Variants in LRRC4C observed in about 807,000 individuals in gnomAD.
LRRC4C encodes leucine rich repeat containing 4C.
In LRRC4C, 5 loss-of-function variants were observed where a neutral mutation model predicts 33.6. The observed-to-expected ratio is 0.15, with a 90% confidence interval of 0.08 to 0.31. The LOEUF is 0.31. Among genes scored for constraint, LRRC4C ranks in the 10% least tolerant of loss-of-function variants. LRRC4C has a pLI of 1.00. For synonymous variants in LRRC4C, 329 were observed against 302.0 expected (o/e 1.09, Z -0.93); for missense variants, 560 against 796.7 (o/e 0.70, Z 3.58).
intron 3 of LRRC4C, among the ~76,000 whole-genome samples, chr11:40,367,512 C>T (rs1948262896): frequency 6.6e-6 from 1 of 151,968 alleles, no homozygotes; most frequent in Admixed American, 6.6e-5. Flanking sequence ...CAATGCAATG[C>T]ATGGAGGCCA....
At chr11:41,072,982 G>C (rs1938821290) in intron 1 of LRRC4C, among the ~76,000 whole-genome samples, 1 of 152,162 alleles carries the variant, frequency 6.6e-6, no homozygotes, top group Non-Finnish European at 1.5e-5. Context: ...TAAGTTGGGA[G>C]TGATCTGCCC....
chr11:40,586,640 T>C (rs1442233566), intron 3 of LRRC4C, among the ~76,000 whole-genome samples: 2 of 149,504 alleles, frequency 1.3e-5, no homozygotes, highest in African/African-American at 4.9e-5. Flanking sequence ...CCATCTTGAA[T>C]TGATTTTTGT....
chr11:41,402,119 G>A (rs1304692391), intron 1 of LRRC4C, among the ~76,000 whole-genome samples: 1 of 151,942 alleles, frequency 6.6e-6, no homozygotes, highest in African/African-American at 2.4e-5. Flanking sequence ...GTCTGATGAA[G>A]GTGTGGACAA....
At chr11:41,285,903 CAT>C (rs1189496721) in intron 1 of LRRC4C, among the ~76,000 whole-genome samples, 3 of 152,124 alleles carry the variant, frequency 2.0e-5, no homozygotes, top group African/African-American at 7.2e-5. Context: ...GATCTCGGCT[CAT>C]TGCAACCTCC....
intron 3 of LRRC4C, among the ~76,000 whole-genome samples, chr11:40,460,055 T>C (rs1439815543): frequency 1.3e-5 from 2 of 152,156 alleles, no homozygotes; most frequent in Admixed American, 1.3e-4. Context: ...AGCAAGACAA[T>C]TGCAGCAGTC....
chr11:40,844,747 T>C (rs1953077649), intron 2 of LRRC4C, among the ~76,000 whole-genome samples: 1 of 152,150 alleles, frequency 6.6e-6, no homozygotes, highest in Non-Finnish European at 1.5e-5. Context: ...GCATCCTTTA[T>C]AGGTAGCTAA....
chr11:41,316,156 C>T (rs1377311443), intron 1 of LRRC4C, among the ~76,000 whole-genome samples: 3 of 146,108 alleles, frequency 2.1e-5, no homozygotes, highest in African/African-American at 7.5e-5. Context: ...ACAGTATAGT[C>T]TTTTTTACAA....
At position 41,260,307 on chromosome 11, in the gene LRRC4C, G is replaced by C. The variant is rs540788927; in HGVS notation, c.-496+199124C>G. On this transcript the variant is annotated intron_variant, in intron 1 of 6. Transcript: ENST00000528697. ...AGGAGAGTTAATGGCTTGGAAAATA[G>C]GATATGTGAAGGAAGCTTTAAAGAC... Among the ~76,000 whole-genome samples, 94 of 152,128 alleles carry C rather than the reference G, an allele frequency of 6.2e-4. 1 individual carries two copies. Among genetic ancestry groups the C allele is most frequent in the Non-Finnish European group, 6.9e-4 (47 of 67,978 alleles).
At chr11:41,308,378 T>C (rs1950559480) in intron 1 of LRRC4C, among the ~76,000 whole-genome samples, 3 of 152,110 alleles carry the variant, frequency 2.0e-5, no homozygotes, top group African/African-American at 4.8e-5. Context: ...TACCTTTTCC[T>C]AAGCAGCTCA....
rs539137405 is a variant in LRRC4C at position 41,266,783 on chromosome 11, T to C, written c.-496+192648A>G. 2.8e-4 allele frequency among the ~76,000 whole-genome samples: 42 copies of C among 152,286 alleles called. 1 individual carries two copies. The South Asian group carries it at 8.3e-3, about 30-fold the overall frequency. On this transcript the variant is annotated intron_variant, in intron 1 of 6. Transcript: ENST00000528697. Reference sequence around the variant, plus strand: ...AATTAGTCTCCCTACCAGTGGCTTGTAGGAGCAAGTCTCCCTTCTCTTGTT... The same window carrying C: ...AATTAGTCTCCCTACCAGTGGCTTGCAGGAGCAAGTCTCCCTTCTCTTGTT...
intron 3 of LRRC4C, among the ~76,000 whole-genome samples, chr11:40,416,604 C>A (rs1950333148): frequency 6.6e-6 from 1 of 152,156 alleles, no homozygotes; most frequent in African/African-American, 2.4e-5. Flanking sequence ...TTAATTATTA[C>A]AAAAACCACC....
chr11:40,128,820 T>C (rs1039453120), intron 6 of LRRC4C, among the ~76,000 whole-genome samples: 6 of 152,250 alleles, frequency 3.9e-5, no homozygotes, highest in African/African-American at 1.2e-4. Context: ...TTCCTTTTAA[T>C]TCTGGGCTCA....
At chr11:40,927,874 T>A (rs895500028) in intron 2 of LRRC4C, among the ~76,000 whole-genome samples, 19 of 152,182 alleles carry the variant, frequency 1.2e-4, no homozygotes, top group Non-Finnish European at 7.4e-5. Flanking sequence ...GGGAGAGGTA[T>A]GTATATCAGA....
At chr11:40,619,847 G>A (rs1279971722) in intron 3 of LRRC4C, among the ~76,000 whole-genome samples, 1 of 150,562 alleles carries the variant, frequency 6.6e-6, no homozygotes, top group South Asian at 2.1e-4. Context: ...GTGTTGCAGG[G>A]TGAAGTACTG....
intron 3 of LRRC4C, among the ~76,000 whole-genome samples, chr11:40,551,747 G>A (rs1367798289): frequency 2.0e-5 from 3 of 152,114 alleles, no homozygotes; most frequent in Non-Finnish European, 4.4e-5. Context: ...TGTACGTCTT[G>A]TATTGTTAAC....
At chr11:41,325,920 T>C (rs1951103910) in intron 1 of LRRC4C, among the ~76,000 whole-genome samples, 1 of 152,118 alleles carries the variant, frequency 6.6e-6, no homozygotes, top group South Asian at 2.1e-4. Context: ...CTGGGCTTAA[T>C]ACATGGGTGA....
chr11:40,972,654 G>C (rs933241592), intron 1 of LRRC4C, among the ~76,000 whole-genome samples: 1 of 152,276 alleles, frequency 6.6e-6, no homozygotes, highest in East Asian at 1.9e-4. Context: ...CAAGGCGGTG[G>C]TAGAGAGAAT....
Position 40,451,366 on chromosome 11 carries a change from C to CTTTTTTTTTT in LRRC4C, c.-269-131655_-269-131646dup, listed in dbSNP as rs71060962. On this transcript the variant is annotated intron_variant, in intron 3 of 6. Transcript: ENST00000528697. ...ACTATTAGCCTTACAGAAATAATGA[C>CTTTTTTTTTT]TTTTTTTTTTTTTTTTTTTTTTTTT... is the stretch of plus-strand genomic sequence containing the variant. Among the ~76,000 whole-genome samples, 18 of 47,088 alleles carry CTTTTTTTTTT rather than the reference C, an allele frequency of 3.8e-4. 6 individuals are homozygous for CTTTTTTTTTT. The highest frequency in any genetic ancestry group is 2.0e-3 in the East Asian group (3 of 1,478). The allele number at this position is 47,088 out of a possible 152,430, so 30.9% of individuals were successfully genotyped here.
intron 5 of LRRC4C, among the ~76,000 whole-genome samples, chr11:40,185,602 G>A (rs1861342495): frequency 6.6e-6 from 1 of 152,182 alleles, no homozygotes; most frequent in African/African-American, 2.4e-5. Flanking sequence ...CGCCTCCAAA[G>A]TGCCAGGCAC....
Sources: gnomAD v4.1 joint callset for allele counts (sites outside exome capture counted in the v4.1 genomes callset) on GRCh38, gnomAD v4.1.1 for gene constraint, MANE v1.5 for transcripts, NCBI Gene and HGNC (gene_info 2026-07-23, HGNC 2026-07-21) for gene names.